The following DNA2 variants were observed in gnomAD, a reference collection of about 807,000 sequenced individuals.
The protein encoded by DNA2 is DNA replication ATP-dependent helicase/nuclease DNA2.
In DNA2, 101 loss-of-function variants were observed where a neutral mutation model predicts 119.1. That is an observed-to-expected ratio of 0.85 (90% CI 0.72 to 1.00). DNA2 has a LOEUF of 1.00. Among genes scored for constraint, DNA2 ranks in the 50% least tolerant of loss-of-function variants. DNA2 has a pLI of 0.00. For missense variants in DNA2, 1,121 were observed against 1,255.5 expected (o/e 0.89, Z 1.62); for synonymous variants, 366 against 424.4 (o/e 0.86, Z 1.69).
chr10:68,436,766 T>C, intron 10 of DNA2: 1 of 346,804 alleles, frequency 2.9e-6, no homozygotes, highest in Non-Finnish European at 5.2e-6. Flanking sequence ...GAAAGCAGGT[T>C]AGTGGTTGCC....
chr10:68,469,390 C>CAAAAAAAAAAAA (rs71019005), intron 2 of DNA2, among the ~76,000 whole-genome samples: 8 of 75,972 alleles, frequency 1.1e-4, no homozygotes, highest in Non-Finnish European at 1.8e-4. Context: ...ACTAAAAATA[C>CAAAAAAAAAAAA]AAAAAAAAAA....
chr10:68,465,111 C>T (rs757523841), intron 4 of DNA2, among the ~76,000 whole-genome samples: 2 of 149,710 alleles, frequency 1.3e-5, no homozygotes, highest in Non-Finnish European at 3.0e-5. Flanking sequence ...CTCTACCTCC[C>T]GGGTTCACAC....
intron 14 of DNA2, chr10:68,425,123 C>G: frequency 7.8e-6 from 2 of 256,648 alleles, no homozygotes; most frequent in South Asian, 6.7e-5. Flanking sequence ...GAGACAGAGT[C>G]TTGCTCTGTA....
intron 6 of DNA2, among the ~76,000 whole-genome samples, chr10:68,449,200 A>G (rs1029722165): frequency 2.0e-5 from 3 of 152,168 alleles, no homozygotes; most frequent in Non-Finnish European, 4.4e-5. Context: ...CATATACACA[A>G]AACACATTCC....
rs114133743 is a variant in DNA2, at chr10:68,417,124, G to A, written c.2968-269C>T. 0.028 allele frequency among the ~76,000 whole-genome samples: 4,209 copies of A among 151,758 alleles called. 178 individuals are homozygous for A. The highest frequency in any genetic ancestry group is 0.096 in the African/African-American group (3,975 of 41,344). On this transcript the variant is annotated intron_variant, in intron 19 of 20. Transcript: ENST00000358410. ...CCAGGCGTGGTGGTGTGCACCTACG[G>A]TCCCAGCTACTCAGGAGGCTGAGAT... is the stretch of plus-strand genomic sequence containing the variant.
At chr10:68,455,485 G>GC (rs1338423760) in intron 5 of DNA2, among the ~76,000 whole-genome samples, 2 of 151,518 alleles carry the variant, frequency 1.3e-5, no homozygotes, top group Non-Finnish European at 2.9e-5. Context: ...AGTGTAGGGA[G>GC]CTGGTGGCAA....
intron 3 of DNA2, 144 bp from the exon 4 acceptor site, chr10:68,465,956 G>T (rs369202029): frequency 2.6e-5 from 15 of 568,340 alleles, no homozygotes; most frequent in Non-Finnish European, 8.1e-6. Context: ...TTTCTGGTGC[G>T]TGGAATTATA....
In DNA2 at chr10:68,443,041, G is replaced by A. The variant is rs2051991563; in HGVS notation, c.1291C>T (p.Gln431Ter). 1.3e-6 allele frequency: 2 copies of A among 1,599,998 alleles called. No homozygotes were observed. Among genetic ancestry groups the A allele is most frequent in the Admixed American group, 3.5e-5 (2 of 57,202 alleles). The change falls in exon 9 of 21, where the codon CAG (glutamine) becomes TAG (stop). Residue 431 changes from glutamine (Q) to a stop codon, truncating the protein, a stop_gained. Coordinates refer to ENST00000358410, the MANE Select transcript of DNA2 (RefSeq NM_001080449.3). LOFTEE classifies it high-confidence loss of function. ...VMLPKIEEET[Q>*]HLKQTHLEYF... ...TCTAAGTGTGTTTGCTTCAGATGCT[G>A]GGTTTCTTCTTCTATTTTGGGCAGC...
At chr10:68,427,650 A>AACACACACACACACACACACACAC (rs151180015) in intron 14 of DNA2, among the ~76,000 whole-genome samples, 125 of 140,238 alleles carry the variant, frequency 8.9e-4, no homozygotes, top group Admixed American at 3.2e-3. Context: ...CCTTGTCTCA[A>AACACACACACACACACACACACAC]ACACACACAC....
chr10:68,428,962 G>A (rs1033428560), intron 14 of DNA2, among the ~76,000 whole-genome samples: 3 of 152,102 alleles, frequency 2.0e-5, no homozygotes, highest in African/African-American at 7.2e-5. Context: ...AGGGGACACA[G>A]GCTCTCTCTA....
At chr10:68,415,752 C>T (rs1384852269) in intron 20 of DNA2, among the ~76,000 whole-genome samples, 2 of 152,108 alleles carry the variant, frequency 1.3e-5, no homozygotes, top group Non-Finnish European at 2.9e-5. Flanking sequence ...CTCCCGGGTG[C>T]AAGCGATTCT....
chr10:68,456,978 CA>C (rs1230144357), intron 5 of DNA2, among the ~76,000 whole-genome samples: 1 of 151,488 alleles, frequency 6.6e-6, no homozygotes, highest in Non-Finnish European at 1.5e-5. Context: ...ACTAAAAATA[CA>C]AAAAATTAGC....
rs745731784 is a variant in DNA2, at chr10:68,419,865, C to T, written c.2725G>A (p.Gly909Ser). The change falls in exon 18 of 21, where the codon GGT (glycine) becomes AGT (serine). Residue 909 changes from glycine to serine, a missense_variant. Gly to Ser is a moderately conservative substitution (Grantham distance 56). Transcript: ENST00000358410. ...GCTTCTGTTACATTGCTCACACCACCTTTTTCAACTTGTTCTGGCGCTGGA... is the reference window on the plus strand; with the variant it reads ...GCTTCTGTTACATTGCTCACACCACTTTTTTCAACTTGTTCTGGCGCTGGA... ...KVPAPEQVEK[G>S]GVSNVTEAKL... 1.2e-6 allele frequency: 2 copies of T among 1,613,872 alleles called. No individual in the cohort carries two copies. The highest frequency in any genetic ancestry group is 2.2e-5 in the South Asian group (2 of 91,070).
rs775963035 is a variant in DNA2, at chr10:68,432,187, C to A, written c.1873+19G>T. 1 of 1,471,882 alleles carries A rather than the reference C, an allele frequency of 6.8e-7. No individual in the cohort carries two copies. Among genetic ancestry groups the A allele is most frequent in the Admixed American group, 2.1e-5 (1 of 47,830 alleles). 91.2% of individuals were successfully genotyped at this position (1,471,882 alleles called of 1,614,324 possible). A position where few individuals can be genotyped will look rare whatever the true frequency, so the allele number is the denominator to read the frequency against. ...AACAAGAAAAATTAATCAAAGCAGACATGGTGATTTTAGCATACCCTTTAG... is the reference window on the plus strand; with the variant it reads ...AACAAGAAAAATTAATCAAAGCAGAAATGGTGATTTTAGCATACCCTTTAG... On this transcript the variant is annotated intron_variant, in intron 12 of 20. Coordinates refer to ENST00000358410, the MANE Select transcript of DNA2 (RefSeq NM_001080449.3).
At position 68,431,916 on chromosome 10, in the gene DNA2, G is replaced by A. The variant is rs1454849292; in HGVS notation, c.1929C>T (p.Tyr643=). ...TCCCAGGCATACCCACGATGAGTGTGTAGTCTTTTGAAAGAAGTACCTTTT... is the reference window on the plus strand; with the variant it reads ...TCCCAGGCATACCCACGATGAGTGTATAGTCTTTTGAAAGAAGTACCTTTT... The part of the protein sequence containing the change: ...AMKKVLLSKD[Y]TLIVGMPGTG... Residue 643 remains tyrosine, a synonymous_variant, in exon 13 of 21, where the codon TAC becomes TAT. Coordinates refer to ENST00000358410, the MANE Select transcript of DNA2 (RefSeq NM_001080449.3). The A allele has an allele frequency of 6.2e-7, 1 of 1,613,888 alleles. No homozygotes were observed. Among genetic ancestry groups the A allele is most frequent in the South Asian group, 1.1e-5 (1 of 91,066 alleles).
intron 4 of DNA2, among the ~76,000 whole-genome samples, chr10:68,464,515 GAAAAC>G (rs957742920): frequency 9.9e-5 from 15 of 151,040 alleles, no homozygotes; most frequent in Non-Finnish European, 1.3e-4. Context: ...ACTCCGTCTC[GAAAAC>G]AAAACAAAAC....
intron 14 of DNA2, among the ~76,000 whole-genome samples, chr10:68,429,674 T>G (rs1364433366): frequency 2.7e-5 from 3 of 111,070 alleles, no homozygotes; most frequent in Non-Finnish European, 5.0e-5. Flanking sequence ...ATCGCGCCAC[T>G]GCACTCCAGC....
chr10:68,460,253 C>G (rs1025454145), intron 4 of DNA2, among the ~76,000 whole-genome samples: 2 of 151,810 alleles, frequency 1.3e-5, no homozygotes, highest in African/African-American at 4.8e-5. Flanking sequence ...ATTACAGGCA[C>G]ACACCACCAT....
rs1419233741 is a variant in DNA2 at position 68,446,146 on chromosome 10, C to T, written c.1057+150G>A. The T allele has an allele frequency of 6.9e-6, 4 of 580,178 alleles. No homozygotes were observed. In the African/African-American group the frequency reaches 7.5e-5, roughly 11 times the overall value. 35.9% of individuals were successfully genotyped at this position (580,178 alleles called of 1,614,324 possible). A position where few individuals can be genotyped will look rare whatever the true frequency, so the allele number is the denominator to read the frequency against. On this transcript the variant is annotated intron_variant, in intron 7 of 20. Coordinates refer to ENST00000358410, the MANE Select transcript of DNA2 (RefSeq NM_001080449.3). ...CTCAAAAAACGAAAACAAAAACACA[C>T]ACATAAAAAACAACAACAAAAAAAA...
Sources: allele counts gnomAD v4.1 joint callset (sites outside exome capture counted in the v4.1 genomes callset), GRCh38; gene constraint gnomAD v4.1.1; transcripts MANE v1.5; gene names NCBI Gene and HGNC (gene_info 2026-07-23, HGNC 2026-07-21).